Variants in GRM7 observed in about 807,000 individuals in gnomAD.
GRM7 encodes the protein glutamate metabotropic receptor 7.
GRM7 carries 35 observed loss-of-function variants against 84.5 expected under a neutral mutation model. That is an observed-to-expected ratio of 0.41 (90% CI 0.32 to 0.55). GRM7 has a LOEUF of 0.55. Ranked by LOEUF, GRM7 falls within the 20% of genes least tolerant of loss-of-function variation. GRM7 has a pLI of 0.19. For synonymous variants in GRM7, 487 were observed against 455.1 expected, an observed-to-expected ratio of 1.07 and a Z score of -0.89; for missense variants, 1,003 against 1,194.6, an observed-to-expected ratio of 0.84 and a Z score of 2.36.
chr3:7,310,177 A>G (rs185871426), intron 4 of GRM7, among the ~76,000 whole-genome samples: 22 of 152,292 alleles, frequency 1.4e-4, no homozygotes, highest in Admixed American at 1.4e-3. Flanking sequence ...CATCTCTTCC[A>G]TACTCATTAA....
chr3:7,157,777 C>A (rs530621472), intron 2 of GRM7, among the ~76,000 whole-genome samples: 4 of 151,156 alleles, frequency 2.6e-5, no homozygotes, highest in African/African-American at 9.7e-5. Flanking sequence ...TTGATAATGG[C>A]AGTAGGCAAA....
chr3:7,582,276 T>C (rs1297028147), intron 8 of GRM7, among the ~76,000 whole-genome samples: 4 of 152,200 alleles, frequency 2.6e-5, no homozygotes, highest in Admixed American at 6.5e-5. Context: ...GTAGGGAACA[T>C]ACAGGCTACC....
intron 1 of GRM7, among the ~76,000 whole-genome samples, chr3:6,866,686 T>C (rs1694948249): frequency 6.6e-6 from 1 of 152,210 alleles, no homozygotes; most frequent in Non-Finnish European, 1.5e-5. Context: ...CAGCAAGCTA[T>C]AGCTTTCGTA....
Position 6,862,049 on chromosome 3 carries a change from C to G in GRM7, c.519+142C>G. On this transcript the variant is annotated intron_variant, in intron 1 of 9. Transcript: ENST00000357716. This position sits in a 1 kb window ranked among gnomAD's most constrained non-coding sequence, Gnocchi z 5.2. ...TGGAGATCCTGCCGAATCCCTCCCA[C>G]CCCGCTCGAGGAGATACCTTCCCTG... The G allele has an allele frequency of 4.5e-6, 3 of 672,686 alleles. No homozygotes were observed. Among genetic ancestry groups the G allele is most frequent in the Admixed American group, 5.8e-5 (2 of 34,278 alleles). The allele number at this position is 672,686 out of a possible 1,614,324, so 41.7% of individuals were successfully genotyped here.
chr3:7,246,254 C>T (rs1261524291), intron 2 of GRM7, among the ~76,000 whole-genome samples: 11 of 152,116 alleles, frequency 7.2e-5, no homozygotes, highest in Non-Finnish European at 1.3e-4. Flanking sequence ...AGCTATGTGG[C>T]AAATGTGGCT....
intron 6 of GRM7, among the ~76,000 whole-genome samples, chr3:7,459,224 C>A (rs1175713112): frequency 6.6e-6 from 1 of 152,120 alleles, no homozygotes; most frequent in African/African-American, 2.4e-5. Context: ...CAGTGTTGCT[C>A]ACAGGAGATC....
In GRM7 at chr3:6,862,945, T is replaced by A; in HGVS notation, c.519+1038T>A. On this transcript the variant is annotated intron_variant, in intron 1 of 9. Transcript: ENST00000357716. The surrounding 1 kb of genome is among the most constrained non-coding windows in gnomAD (Gnocchi z 5.2). ...CGCTGAGCGGTGGGTTCTGCCGCAG[T>A]GTTCTCTCGCCTCCTGCTCCAGCAG... 1 of 453,776 alleles carries A rather than the reference T, an allele frequency of 2.2e-6. No homozygotes were observed. The highest frequency in any genetic ancestry group is 1.6e-5 in the South Asian group (1 of 64,130). The allele number at this position is 453,776 out of a possible 1,614,324, so 28.1% of individuals were successfully genotyped here. A position where few individuals can be genotyped will look rare whatever the true frequency, so the allele number is the denominator to read the frequency against.
intron 1 of GRM7, among the ~76,000 whole-genome samples, chr3:6,901,209 A>C (rs1327885961): frequency 6.6e-6 from 1 of 152,346 alleles, no homozygotes; most frequent in East Asian, 1.9e-4. Context: ...TTAATCATAC[A>C]TATTATACAA....
chr3:7,206,693 T>C (rs541778383), intron 2 of GRM7, among the ~76,000 whole-genome samples: 1 of 152,312 alleles, frequency 6.6e-6, no homozygotes, highest in Non-Finnish European at 1.5e-5. Context: ...AAAGGAGAGA[T>C]GGCACCTGAG....
intron 7 of GRM7, among the ~76,000 whole-genome samples, chr3:7,488,881 A>ATTTATTTATTTATTTATTTT (rs749615390): frequency 6.6e-6 from 1 of 150,864 alleles, no homozygotes; most frequent in Non-Finnish European, 1.5e-5. Flanking sequence ...TTATTTATTT[A>ATTTATTTATTTATTTATTTT]TTTATTTTTG....
intron 2 of GRM7, among the ~76,000 whole-genome samples, chr3:7,237,553 T>C (rs1449696170): frequency 1.3e-5 from 2 of 152,078 alleles, no homozygotes; most frequent in Non-Finnish European, 2.9e-5. Flanking sequence ...CCTTCTGATA[T>C]TCAGATGTGT....
intron 1 of GRM7, among the ~76,000 whole-genome samples, chr3:6,964,359 T>C (rs1693419063): frequency 6.6e-6 from 1 of 151,940 alleles, no homozygotes; most frequent in South Asian, 2.1e-4. Context: ...GGAAAGAGAG[T>C]TAGTTAGGGA....
At chr3:7,340,711 A>G (rs1701605874) in intron 4 of GRM7, among the ~76,000 whole-genome samples, 1 of 152,184 alleles carries the variant, frequency 6.6e-6, no homozygotes, top group Non-Finnish European at 1.5e-5. Context: ...TTTTGGATTA[A>G]TCACTTTTGC....
chr3:7,063,427 C>T (rs1263908501), intron 1 of GRM7, among the ~76,000 whole-genome samples: 2 of 151,636 alleles, frequency 1.3e-5, no homozygotes, highest in Non-Finnish European at 2.9e-5. Context: ...AGAGGATAAG[C>T]TGGACATGCA....
At chr3:7,153,790 T>C (rs1048551054) in intron 2 of GRM7, among the ~76,000 whole-genome samples, 1 of 151,322 alleles carries the variant, frequency 6.6e-6, no homozygotes, top group African/African-American at 2.4e-5. Flanking sequence ...TAATGATAAA[T>C]AATAATTCTA....
chr3:6,968,725 T>C (rs1043770798), intron 1 of GRM7, among the ~76,000 whole-genome samples: 3 of 152,298 alleles, frequency 2.0e-5, no homozygotes, highest in South Asian at 2.1e-4. Flanking sequence ...GGAGAGTTTT[T>C]TATTGCAGGG....
chr3:7,124,746 G>A (rs1314922230), intron 1 of GRM7, among the ~76,000 whole-genome samples: 4 of 152,086 alleles, frequency 2.6e-5, no homozygotes, highest in Non-Finnish European at 5.9e-5. Flanking sequence ...CCATCACAAT[G>A]AGAACTTTTT....
intron 1 of GRM7, among the ~76,000 whole-genome samples, chr3:6,990,372 A>G (rs1445732296): frequency 1.3e-5 from 2 of 152,188 alleles, no homozygotes; most frequent in Non-Finnish European, 2.9e-5. Context: ...AGAAAATGGT[A>G]TTTTTTGAAT....
At chr3:7,641,714 A>G (rs1397246678) in intron 8 of GRM7, among the ~76,000 whole-genome samples, 3 of 152,194 alleles carry the variant, frequency 2.0e-5, no homozygotes, top group African/African-American at 7.2e-5. Context: ...AATAATACGC[A>G]ATGATGTGAC....
Sources: gnomAD v4.1 joint callset for allele counts (sites outside exome capture counted in the v4.1 genomes callset) on GRCh38, gnomAD v4.1.1 for gene constraint, Gnocchi (gnomAD v3.1) non-coding constraint, MANE v1.5 for transcripts, NCBI Gene and HGNC (gene_info 2026-07-23, HGNC 2026-07-21) for gene names.